FAM228B: variants seen among roughly 807,000 people sequenced by gnomAD.
FAM228B encodes protein FAM228B.
Under a neutral mutation model 42.6 loss-of-function variants are expected in FAM228B, and 38 were observed. The ratio of observed to expected loss-of-function variants is 0.89; its 90% CI spans 0.69 to 1.17. The LOEUF is 1.17. FAM228B is among the 50% of genes most tolerant of loss of function. The pLI, the probability that FAM228B is intolerant of heterozygous loss-of-function variation, is 0.00. For synonymous variants in FAM228B, 109 were observed against 122.3 expected (o/e 0.89, Z 0.72); for missense variants, 344 against 367.3 (o/e 0.94, Z 0.52).
chr2:24,082,953 A>T (rs1428830770), intron 2 of FAM228B: 1 of 1,614,026 alleles, frequency 6.2e-7, no homozygotes. Context: ...GGTCAGGGTC[A>T]ATCCCTCTGG....
chr2:24,117,811 T>C (rs1490257888), intron 3 of FAM228B, among the ~76,000 whole-genome samples: 1 of 152,210 alleles, frequency 6.6e-6, no homozygotes, highest in Non-Finnish European at 1.5e-5. Flanking sequence ...AAAAATATTT[T>C]TTTAAAAAGG....
intron 2 of FAM228B, chr2:24,085,136 A>T (rs574156065): frequency 6.6e-6 from 1 of 152,038 alleles, no homozygotes; most frequent in Non-Finnish European, 1.5e-5. Context: ...TGGCACATTT[A>T]TGTAACAGGC....
chr2:24,151,360 G>T (rs1667016874), intron 7 of FAM228B, among the ~76,000 whole-genome samples: 1 of 150,718 alleles, frequency 6.6e-6, no homozygotes, highest in South Asian at 2.1e-4. Context: ...GTGTGATCTT[G>T]GCTCACTGCA....
At chr2:24,162,516 G>A (rs1476267456) in intron 8 of FAM228B, among the ~76,000 whole-genome samples, 1 of 152,178 alleles carries the variant, frequency 6.6e-6, no homozygotes, top group Non-Finnish European at 1.5e-5. Flanking sequence ...CAGCTTGGCA[G>A]TTTCTCAAGA....
At position 24,167,614 on chromosome 2, in the gene FAM228B, A is replaced by T; in HGVS notation, c.933-13A>T. ...GTATAACATAATGACCAAAGCTTCA[A>T]TCTTCATTTAAGGTCTCCCTCCCCG... On this transcript the variant is annotated splice_polypyrimidine_tract_variant and intron_variant, in intron 9 of 10. Coordinates refer to ENST00000615575, the MANE Select transcript of FAM228B (RefSeq NM_001145710.2). 1 of 1,551,520 alleles carries T rather than the reference A, an allele frequency of 6.4e-7. No homozygotes were observed. The highest frequency in any genetic ancestry group is 8.7e-7 in the Non-Finnish European group (1 of 1,146,826).
intron 2 of FAM228B, among the ~76,000 whole-genome samples, chr2:24,128,890 T>C (rs2151014717): frequency 6.6e-6 from 1 of 152,146 alleles, no homozygotes; most frequent in Non-Finnish European, 1.5e-5. Context: ...CCTCTCCAAA[T>C]ACTCTACTCT....
At chr2:24,122,291 A>G, upstream of FAM228B, 1 of 709,482 alleles carries the variant, frequency 1.4e-6, no homozygotes, top group South Asian at 1.7e-5. Context: ...ATGCCATTGC[A>G]TCCCAGGCTA....
chr2:24,153,120 A>G (rs1430579990), intron 7 of FAM228B, among the ~76,000 whole-genome samples: 3 of 152,228 alleles, frequency 2.0e-5, no homozygotes, highest in African/African-American at 4.8e-5. Flanking sequence ...GGGCAGGTCC[A>G]GAAATGCGGT....
At chr2:24,079,780 T>A in intron 1 of FAM228B, 1 of 767,614 alleles carries the variant, frequency 1.3e-6, no homozygotes, top group Non-Finnish European at 2.1e-6. Context: ...CTTGAAGAAC[T>A]GTTGTAAATG....
intron 3 of FAM228B, among the ~76,000 whole-genome samples, chr2:24,113,675 G>A (rs376345795): frequency 1.8e-4 from 28 of 152,272 alleles, no homozygotes; most frequent in African/African-American, 5.8e-4. Context: ...TCAGGAGTTC[G>A]AGGCCAGCCT....
Position 24,084,430 on chromosome 2 carries a change from T to G in FAM228B, c.-210+3475T>G. 7.3e-7 allele frequency: 1 copy of G among 1,364,062 alleles called. No homozygotes were observed. Among genetic ancestry groups the G allele is most frequent in the Non-Finnish European group, 9.6e-7 (1 of 1,037,476 alleles). The allele number at this position is 1,364,062 out of a possible 1,614,324, so 84.5% of individuals were successfully genotyped here. ...ACAGGACAGGGCAGGGGCCGCTGTA[T>G]CCTCGCGGAGCAGCCCAGCCTCAGG... On this transcript the variant is annotated intron_variant, in intron 2 of 10. Transcript: ENST00000613899. The surrounding 1 kb of genome is among the most constrained non-coding windows in gnomAD (Gnocchi z 8.4).
At chr2:24,136,740 T>G (rs1206531747) in intron 3 of FAM228B, among the ~76,000 whole-genome samples, 1 of 152,242 alleles carries the variant, frequency 6.6e-6, no homozygotes, top group Non-Finnish European at 1.5e-5. Flanking sequence ...ATTAATCATT[T>G]TTTTCAGTGT....
intron 2 of FAM228B, among the ~76,000 whole-genome samples, chr2:24,131,220 G>A (rs1666446430): frequency 6.6e-6 from 1 of 152,194 alleles, no homozygotes; most frequent in Admixed American, 6.5e-5. Context: ...ATGCTGTTGT[G>A]ATTACTGTAG....
At chr2:24,092,437 G>T (rs1267246940) in intron 2 of FAM228B, among the ~76,000 whole-genome samples, 1 of 151,000 alleles carries the variant, frequency 6.6e-6, no homozygotes, top group Non-Finnish European at 1.5e-5. Flanking sequence ...TAGCTGGGTA[G>T]TGGTGGCATG....
In FAM228B at chr2:24,077,184, C is replaced by G. The variant is rs1335718408; in HGVS notation, c.-290+215C>G. On this transcript the variant is annotated intron_variant, in intron 1 of 10. Transcript: ENST00000613899. This position sits in a 1 kb window ranked among gnomAD's most constrained non-coding sequence, Gnocchi z 5.5. The stretch of plus-strand genomic sequence containing the variant: ...GGGCTGGGGCCTGCTGTGGTGCCCA[C>G]TGGTTGCGGGGCGCGCGGGCAGGTG... Among the ~76,000 whole-genome samples the G allele has an allele frequency of 6.6e-6, 1 of 151,984 alleles. No individual in the cohort carries two copies. The highest frequency in any genetic ancestry group is 1.5e-5 in the Non-Finnish European group (1 of 67,964).
chr2:24,091,229 C>A (rs1033476779), intron 2 of FAM228B, among the ~76,000 whole-genome samples: 1 of 152,064 alleles, frequency 6.6e-6, no homozygotes, highest in Non-Finnish European at 1.5e-5. Context: ...GTCAGGAGAT[C>A]GAGACCATCC....
At chr2:24,119,243 T>C (rs1666021571), upstream of FAM228B, among the ~76,000 whole-genome samples, 1 of 151,594 alleles carries the variant, frequency 6.6e-6, no homozygotes, top group South Asian at 2.1e-4. Context: ...GACCTGAAAC[T>C]TGCCAAATCA....
chr2:24,113,520 T>G (rs1345045862), intron 3 of FAM228B, among the ~76,000 whole-genome samples: 1 of 152,108 alleles, frequency 6.6e-6, no homozygotes, highest in Admixed American at 6.6e-5. Flanking sequence ...TAGTTAACTG[T>G]GATCACACCA....
At chr2:24,128,968 T>G (rs1035734594) in intron 2 of FAM228B, among the ~76,000 whole-genome samples, 3 of 152,138 alleles carry the variant, frequency 2.0e-5, no homozygotes, top group East Asian at 1.9e-4. Flanking sequence ...CAAACACTCC[T>G]GGGACTGTGT....
Sources: gnomAD v4.1 joint callset for allele counts (sites outside exome capture counted in the v4.1 genomes callset) on GRCh38, gnomAD v4.1.1 for gene constraint, Gnocchi (gnomAD v3.1) non-coding constraint, MANE v1.5 for transcripts, NCBI Gene and HGNC (gene_info 2026-07-23, HGNC 2026-07-21) for gene names.